SLIT3: variants seen among roughly 807,000 people sequenced by gnomAD.
The protein encoded by SLIT3 is slit guidance ligand 3.
SLIT3 carries 68 observed loss-of-function variants against 184.0 expected under a neutral mutation model. The observed-to-expected ratio is 0.37, with a 90% CI of 0.30 to 0.45. The LOEUF is 0.45. SLIT3 is among the 20% of genes least tolerant of loss of function. SLIT3 has a pLI of 1.00. For missense variants in SLIT3, 1,707 were observed against 2,026.0 expected, an observed-to-expected ratio of 0.84 and a Z score of 3.02; for synonymous variants, 831 against 828.6, an observed-to-expected ratio of 1.00 and a Z score of -0.05.
intron 1 of SLIT3, among the ~76,000 whole-genome samples, chr5:169,261,347 T>C (rs149043919): frequency 1.3e-5 from 2 of 152,310 alleles, no homozygotes; most frequent in Admixed American, 1.3e-4. Context: ...CCAGCATGTA[T>C]AAAAGCCCAG....
At chr5:169,287,258 T>C (rs939320712) in intron 1 of SLIT3, among the ~76,000 whole-genome samples, 17 of 152,166 alleles carry the variant, frequency 1.1e-4, no homozygotes, top group African/African-American at 3.6e-4. Flanking sequence ...TCAGCTGGGA[T>C]CTTCCCTCTC....
In SLIT3 at chr5:168,806,593, G is replaced by C. The variant is rs746913162; in HGVS notation, c.794-6C>G. 6.2e-7 allele frequency: 1 copy of C among 1,614,102 alleles called. No homozygotes were observed. Among genetic ancestry groups the C allele is most frequent in the South Asian group, 1.1e-5 (1 of 91,064 alleles). ...TGGGGGCTCCGAGTGGGGGGCTGTGGAGCCAAGACACAACGGTCAACTTAT... is the reference window on the plus strand; with the variant it reads ...TGGGGGCTCCGAGTGGGGGGCTGTGCAGCCAAGACACAACGGTCAACTTAT... On this transcript the variant is annotated splice_polypyrimidine_tract_variant and splice_region_variant and intron_variant, in intron 8 of 35. Transcript: ENST00000519560.
intron 4 of SLIT3, among the ~76,000 whole-genome samples, chr5:168,920,049 GTGTT>G (rs1442908929): frequency 6.6e-6 from 1 of 152,190 alleles, no homozygotes; most frequent in Non-Finnish European, 1.5e-5. Flanking sequence ...GTGGAAGTGA[GTGTT>G]TATTTTTTTC....
intron 5 of SLIT3, among the ~76,000 whole-genome samples, chr5:168,876,959 T>G (rs927570033): frequency 6.6e-6 from 1 of 152,216 alleles, no homozygotes; most frequent in Non-Finnish European, 1.5e-5. Flanking sequence ...GTATGATTTC[T>G]GGTATGTAAC....
intron 4 of SLIT3, among the ~76,000 whole-genome samples, chr5:169,005,838 A>G (rs1368885513): frequency 1.3e-5 from 2 of 152,240 alleles, no homozygotes; most frequent in Non-Finnish European, 2.9e-5. Context: ...ACGCAGCGCA[A>G]AAGGCTTCAA....
chr5:168,918,667 G>C (rs1257837749), intron 4 of SLIT3, among the ~76,000 whole-genome samples: 1 of 152,206 alleles, frequency 6.6e-6, no homozygotes, highest in Non-Finnish European at 1.5e-5. Flanking sequence ...CAATGAGACA[G>C]TGCAGCATTT....
intron 1 of SLIT3, among the ~76,000 whole-genome samples, chr5:169,253,634 T>C (rs1469606090): frequency 6.6e-6 from 1 of 152,212 alleles, no homozygotes; most frequent in Non-Finnish European, 1.5e-5. Flanking sequence ...AGCACTTATC[T>C]GGCACTTGTT....
intron 4 of SLIT3, among the ~76,000 whole-genome samples, chr5:168,945,705 C>T (rs540491077): frequency 5.9e-5 from 9 of 152,308 alleles, no homozygotes; most frequent in East Asian, 1.9e-4. Flanking sequence ...AAAACAATCC[C>T]GACTGCTTTA....
chr5:168,900,155 C>T (rs1233539101), intron 4 of SLIT3, among the ~76,000 whole-genome samples: 1 of 152,126 alleles, frequency 6.6e-6, no homozygotes, highest in African/African-American at 2.4e-5. Context: ...GGCAAGGATG[C>T]AGAGGTAAGG....
At chr5:168,883,407 T>A in intron 4 of SLIT3, 71 bp from the exon 5 acceptor site, 4 of 1,190,364 alleles carry the variant, frequency 3.4e-6, no homozygotes, top group South Asian at 1.2e-5. Context: ...CATTAAATGA[T>A]AACAATCCCC....
chr5:168,686,838 C>T (rs1203271926), intron 30 of SLIT3, 141 bp downstream of exon 30: 1 of 886,212 alleles, frequency 1.1e-6, no homozygotes, highest in African/African-American at 1.7e-5. Flanking sequence ...GCAAAGGTAT[C>T]AGGGGAATAA....
chr5:168,680,366 C>A (rs1761549166), intron 32 of SLIT3, among the ~76,000 whole-genome samples: 1 of 152,256 alleles, frequency 6.6e-6, no homozygotes, highest in African/African-American at 2.4e-5. Flanking sequence ...GTGCCCTCAT[C>A]ACCATTTGTG....
intron 4 of SLIT3, among the ~76,000 whole-genome samples, chr5:168,962,337 T>C (rs199589178): frequency 0.012 from 1,066 of 87,926 alleles, 6 homozygotes; most frequent in African/African-American, 0.037. Context: ...CACACACACA[T>C]ACACACACAC....
chr5:169,107,149 C>T (rs933735261), intron 4 of SLIT3, among the ~76,000 whole-genome samples: 2 of 152,206 alleles, frequency 1.3e-5, no homozygotes, highest in Admixed American at 6.5e-5. Context: ...CTCATGGCTG[C>T]CCATATGGCT....
At chr5:168,857,834 C>A (rs1758945433) in intron 5 of SLIT3, among the ~76,000 whole-genome samples, 1 of 152,208 alleles carries the variant, frequency 6.6e-6, no homozygotes, top group Non-Finnish European at 1.5e-5. Context: ...CCACGGAAAA[C>A]CACCGAGCTT....
intron 4 of SLIT3, among the ~76,000 whole-genome samples, chr5:168,941,162 C>A (rs965315586): frequency 2.6e-5 from 4 of 152,162 alleles, no homozygotes; most frequent in African/African-American, 9.7e-5. Context: ...TTTTGTTCCA[C>A]TTTTTGGGGG....
chr5:168,973,554 A>C (rs1179142129), intron 4 of SLIT3, among the ~76,000 whole-genome samples: 3 of 152,198 alleles, frequency 2.0e-5, no homozygotes, highest in Non-Finnish European at 4.4e-5. Context: ...CCTTCACTGA[A>C]AAATTTTAAA....
At chr5:168,707,864 A>C in intron 26 of SLIT3, 112 bp downstream of exon 26, 1 of 1,362,854 alleles carries the variant, frequency 7.3e-7, no homozygotes, top group Non-Finnish European at 1.0e-6. Flanking sequence ...GGACTCATCC[A>C]GGCTGTCCCT....
intron 4 of SLIT3, among the ~76,000 whole-genome samples, chr5:168,884,208 A>C (rs1336453456): frequency 6.6e-6 from 1 of 151,380 alleles, no homozygotes; most frequent in Non-Finnish European, 1.5e-5. Context: ...ACGAGTAATC[A>C]ATCTGTAAAG....
Sources: allele counts gnomAD v4.1 joint callset (sites outside exome capture counted in the v4.1 genomes callset), GRCh38; gene constraint gnomAD v4.1.1; transcripts MANE v1.5; gene names NCBI Gene and HGNC (gene_info 2026-07-23, HGNC 2026-07-21).